The following LRRC4C variants were observed in gnomAD, a reference collection of about 807,000 sequenced individuals.
LRRC4C encodes leucine-rich repeat-containing protein 4C.
In LRRC4C, 5 loss-of-function variants were observed where a neutral mutation model predicts 33.6. That is an observed-to-expected ratio of 0.15 (90% CI 0.08 to 0.31). The LOEUF (loss-of-function observed/expected upper bound fraction) is 0.31. LRRC4C is among the 10% of genes least tolerant of loss of function. LRRC4C has a pLI of 1.00. For synonymous variants in LRRC4C, 329 were observed against 302.0 expected (o/e 1.09, Z -0.93); for missense variants, 560 against 796.7 (o/e 0.70, Z 3.58).
At chr11:40,795,546 T>G (rs1950790879) in intron 2 of LRRC4C, among the ~76,000 whole-genome samples, 1 of 151,354 alleles carries the variant, frequency 6.6e-6, no homozygotes, top group South Asian at 2.1e-4. Flanking sequence ...AATAAATAAA[T>G]AAAATAAAAT....
intron 1 of LRRC4C, among the ~76,000 whole-genome samples, chr11:41,374,542 C>A (rs899229742): frequency 1.3e-5 from 2 of 151,786 alleles, no homozygotes; most frequent in Non-Finnish European, 2.9e-5. Context: ...TTCTAAAATG[C>A]CAGTGTTATT....
At chr11:40,650,316 C>T (rs1188141706) in intron 2 of LRRC4C, among the ~76,000 whole-genome samples, 1 of 152,014 alleles carries the variant, frequency 6.6e-6, no homozygotes, top group Non-Finnish European at 1.5e-5. Flanking sequence ...CCAAACAGTC[C>T]TTTTTCTTTT....
chr11:40,277,858 G>T (rs1418874653), intron 4 of LRRC4C, among the ~76,000 whole-genome samples: 5 of 151,994 alleles, frequency 3.3e-5, no homozygotes, highest in African/African-American at 9.7e-5. Flanking sequence ...TTTTTGTATT[G>T]TGGTTATTAT....
At chr11:40,768,021 A>G (rs1394818283) in intron 2 of LRRC4C, among the ~76,000 whole-genome samples, 1 of 152,044 alleles carries the variant, frequency 6.6e-6, no homozygotes, top group Non-Finnish European at 1.5e-5. Context: ...AATACAAAAT[A>G]TAAACAAAAT....
At chr11:40,499,224 T>G (rs377681640) in intron 3 of LRRC4C, among the ~76,000 whole-genome samples, 1 of 152,154 alleles carries the variant, frequency 6.6e-6, no homozygotes, top group Non-Finnish European at 1.5e-5. Flanking sequence ...GTGAACAGCA[T>G]GTCTCGGCTG....
chr11:40,459,397 C>T (rs1356857093), intron 3 of LRRC4C, among the ~76,000 whole-genome samples: 1 of 149,882 alleles, frequency 6.7e-6, no homozygotes, highest in African/African-American at 2.4e-5. Flanking sequence ...ATCTGTCAGC[C>T]AGCTTAAGGG....
At chr11:41,297,821 G>A (rs949181202) in intron 1 of LRRC4C, among the ~76,000 whole-genome samples, 1 of 152,104 alleles carries the variant, frequency 6.6e-6, no homozygotes, top group Admixed American at 6.6e-5. Context: ...GATAGATCAG[G>A]AAGCATATTT....
intron 1 of LRRC4C, among the ~76,000 whole-genome samples, chr11:41,057,131 C>A (rs191107064): frequency 9.6e-4 from 146 of 152,322 alleles, no homozygotes; most frequent in African/African-American, 3.4e-3. Flanking sequence ...ACGCCGCCCC[C>A]CATTCCCCGA....
intron 3 of LRRC4C, among the ~76,000 whole-genome samples, chr11:40,396,086 T>C (rs566523476): frequency 6.6e-6 from 1 of 152,272 alleles, no homozygotes; most frequent in African/African-American, 2.4e-5. Context: ...TGCAATGCCA[T>C]GTTTTTATGG....
At chr11:41,392,686 T>G (rs1410504774) in intron 1 of LRRC4C, among the ~76,000 whole-genome samples, 2 of 151,824 alleles carry the variant, frequency 1.3e-5, no homozygotes, top group Admixed American at 6.6e-5. Context: ...ATTAAATGAC[T>G]GATATCCTTA....
intron 2 of LRRC4C, among the ~76,000 whole-genome samples, chr11:40,667,999 T>C (rs555202184): frequency 6.6e-6 from 1 of 152,358 alleles, no homozygotes; most frequent in African/African-American, 2.4e-5. Context: ...TGGTTTTCAA[T>C]TCCGAGTGTG....
intron 1 of LRRC4C, among the ~76,000 whole-genome samples, chr11:41,337,374 T>C (rs1338027770): frequency 2.0e-5 from 3 of 151,970 alleles, no homozygotes; most frequent in African/African-American, 2.4e-5. Context: ...CAAACAAAAC[T>C]TAACTGATTA....
At chr11:40,892,344 T>C (rs1304150089) in intron 2 of LRRC4C, among the ~76,000 whole-genome samples, 2 of 152,016 alleles carry the variant, frequency 1.3e-5, no homozygotes, top group African/African-American at 4.8e-5. Flanking sequence ...GGCAGATTAA[T>C]GGACAAAAAA....
chr11:40,759,210 T>C, intron 2 of LRRC4C, among the ~76,000 whole-genome samples: 1 of 147,080 alleles, frequency 6.8e-6, no homozygotes, highest in East Asian at 2.0e-4. Flanking sequence ...ATATAATATA[T>C]ATAATCGTCC....
intron 5 of LRRC4C, among the ~76,000 whole-genome samples, chr11:40,146,100 C>T (rs1015688732): frequency 6.6e-6 from 1 of 152,128 alleles, no homozygotes; most frequent in African/African-American, 2.4e-5. Flanking sequence ...TCTGACTCTC[C>T]AGTCTGAAAG....
At chr11:40,669,416 T>C (rs1485933384) in intron 2 of LRRC4C, among the ~76,000 whole-genome samples, 4 of 152,242 alleles carry the variant, frequency 2.6e-5, no homozygotes, top group African/African-American at 9.6e-5. Context: ...TTTCAGGCCA[T>C]GAGACCTGGC....
At chr11:41,085,737 C>A (rs970516552) in intron 1 of LRRC4C, among the ~76,000 whole-genome samples, 4 of 151,880 alleles carry the variant, frequency 2.6e-5, no homozygotes, top group Non-Finnish European at 4.4e-5. Context: ...AATATCAGTT[C>A]AAGAGATTGT....
chr11:41,176,106 A>G (rs1945187808), intron 1 of LRRC4C, among the ~76,000 whole-genome samples: 1 of 152,208 alleles, frequency 6.6e-6, no homozygotes, highest in Non-Finnish European at 1.5e-5. Context: ...CAGTGACTGC[A>G]TGTGTATAAC....
chr11:40,684,352 C>A (rs187193794), intron 2 of LRRC4C, among the ~76,000 whole-genome samples: 1 of 151,578 alleles, frequency 6.6e-6, no homozygotes. Context: ...ACTAAATGTA[C>A]GCATTAAATT....
Sources: allele counts gnomAD v4.1 joint callset (sites outside exome capture counted in the v4.1 genomes callset), GRCh38; gene constraint gnomAD v4.1.1; transcripts MANE v1.5; gene names NCBI Gene and HGNC (gene_info 2026-07-23, HGNC 2026-07-21).